Variants in SCAF11 observed in about 807,000 individuals in gnomAD.
The protein encoded by SCAF11 is protein SCAF11.
A neutral mutation model predicts 140.5 loss-of-function variants in SCAF11; 47 were observed. That is an observed-to-expected ratio of 0.33 (90% confidence interval 0.26 to 0.43). The LOEUF is 0.43. Among genes scored for constraint, SCAF11 ranks in the 20% least tolerant of loss-of-function variants. SCAF11 has a pLI of 1.00. For missense variants in SCAF11, 1,645 were observed against 1,705.1 expected (o/e 0.96, Z 0.62); for synonymous variants, 557 against 579.4 (o/e 0.96, Z 0.55).
In SCAF11 at chr12:45,920,076, G is replaced by C. The variant is rs1944671130; in HGVS notation, c.*1972C>G. On this transcript the variant is annotated 3_prime_UTR_variant, in exon 15 of 15. Coordinates refer to ENST00000369367, the MANE Select transcript of SCAF11 (RefSeq NM_004719.3). ...CTTAATACTTTATTAGAAGAAATAT[G>C]CTTGAAATTTCTTTACCATAATCTA... is the stretch of plus-strand genomic sequence containing the variant. The C allele has an allele frequency of 6.6e-6, 1 of 152,096 alleles. No homozygotes were observed. Among genetic ancestry groups the C allele is most frequent in the South Asian group, 2.1e-4 (1 of 4,828 alleles). The allele number at this position is 152,096 out of a possible 1,614,324, so 9.4% of individuals were successfully genotyped here. A position where few individuals can be genotyped will look rare whatever the true frequency, so the allele number is the denominator to read the frequency against.
intron 2 of SCAF11, among the ~76,000 whole-genome samples, chr12:45,962,240 T>C (rs770803743): frequency 1.3e-5 from 2 of 152,198 alleles, no homozygotes; most frequent in African/African-American, 2.4e-5. Context: ...CAAATGCTAA[T>C]ACAAACTCTT....
Position 45,951,697 on chromosome 12 carries a change from G to C in SCAF11, c.250C>G (p.Pro84Ala), listed in dbSNP as rs1179369829. Residue 84 changes from proline (P) to alanine (A), a missense_variant, in exon 4 of 15, where the codon CCT becomes GCT. Around this residue, in one of 2 missense-constraint regions of SCAF11, gnomAD observed 1,582 missense variants for 1,609.2 expected, o/e 0.98. Transcript: ENST00000369367. The part of the protein sequence containing the change: ...TLASCPIDRK[P>A]FQAVFKFSAL... ...CTGAATTTAAACACTGCCTGAAAAG[G>C]TTTACGGTCAATAGGACATGAAGCC... The C allele has an allele frequency of 6.3e-7, 1 of 1,592,028 alleles. No homozygotes were observed. Among genetic ancestry groups the C allele is most frequent in the Non-Finnish European group, 8.6e-7 (1 of 1,166,192 alleles).
Position 45,927,342 on chromosome 12 carries a change from G to A in SCAF11, c.2359C>T (p.Pro787Ser), listed in dbSNP as rs1038614753. The change falls in exon 11 of 15, where the codon CCT becomes TCT. Residue 787 changes from proline to serine, a missense_variant. Pro to Ser is a moderately conservative substitution (Grantham distance 74). Around this residue, in one of 2 missense-constraint regions of SCAF11, gnomAD observed 1,582 missense variants for 1,609.2 expected, o/e 0.98. Transcript: ENST00000369367. The part of the protein sequence containing the change: ...PKDTIDKTKK[P>S]RTRRSRFHSP... ...TGAAATCTAGATCTTCGAGTACGAG[G>A]CTTTTTGGTTTTATCTATGGTATCT... 23 of 1,613,938 alleles carry A rather than the reference G, an allele frequency of 1.4e-5. No individual in the cohort carries two copies. Among genetic ancestry groups the A allele is most frequent in the Non-Finnish European group, 1.9e-5 (23 of 1,180,004 alleles).
intron 1 of SCAF11, among the ~76,000 whole-genome samples, chr12:45,970,601 TAAG>T (rs1946050451): frequency 6.6e-6 from 1 of 152,234 alleles, no homozygotes; most frequent in Admixed American, 6.5e-5. Flanking sequence ...GTTCAGTTTC[TAAG>T]AAGATTATCA....
rs942042797 is a variant in SCAF11 at position 45,945,854 on chromosome 12, C to A, written c.399-541G>T. 2.6e-5 allele frequency among the ~76,000 whole-genome samples: 4 copies of A among 151,720 alleles called. No homozygotes were observed. The South Asian group carries it at 8.3e-4, about 32-fold the overall frequency. On this transcript the variant is annotated intron_variant, in intron 5 of 14. Transcript: ENST00000369367. Reference sequence around the variant, plus strand: ...GGCTAATATATTTTTTATTCTTATTCTTATTATTATTTTTTTTACTAGACA... The same window carrying A: ...GGCTAATATATTTTTTATTCTTATTATTATTATTATTTTTTTTACTAGACA...
chr12:45,963,936 C>T (rs1043661507), intron 2 of SCAF11, among the ~76,000 whole-genome samples, 171 bp downstream of exon 2: 2 of 151,634 alleles, frequency 1.3e-5, no homozygotes, highest in African/African-American at 4.9e-5. Flanking sequence ...CTTGATCAGT[C>T]GAAAATAAGA....
At position 45,927,161 on chromosome 12, in the gene SCAF11, C is replaced by T. The variant is rs28930670; in HGVS notation, c.2540G>A (p.Arg847His). Reference sequence around the variant, plus strand: ...AATATCCTTTTTTGGGGACTGAGAACGGGATTTTTTCCGGCCTCTGGCTGA... The same window carrying T: ...AATATCCTTTTTTGGGGACTGAGAATGGGATTTTTTCCGGCCTCTGGCTGA... ...NESARGRKKSRSQSPKKDIAR... is the reference protein window; with the variant it reads ...NESARGRKKSHSQSPKKDIAR... The change falls in exon 11 of 15, where the codon CGT becomes CAT. Residue 847 changes from arginine (R) to histidine (H), a missense_variant. Transcript: ENST00000369367. 0.031 allele frequency: 50,511 copies of T among 1,613,924 alleles called. 961 individuals are homozygous for T. Among genetic ancestry groups the T allele is most frequent in the Non-Finnish European group, 0.038 (45,192 of 1,179,958 alleles).
chr12:45,922,191 A>C lies in SCAF11; in HGVS notation c.4249T>G (p.Cys1417Gly). Residue 1417 changes from cysteine (C) to glycine (G), a missense_variant, in exon 15 of 15, where the codon TGT becomes GGT. Cys to Gly is a radical substitution (Grantham distance 159, BLOSUM62 -3). This residue lies in a region of SCAF11 where 63 missense variants were observed against 95.9 expected (regional missense o/e 0.66). Transcript: ENST00000369367. ...EIVRKAVDKVCHSKSGEVNST... is the reference protein window; with the variant it reads ...EIVRKAVDKVGHSKSGEVNST... The stretch of plus-strand genomic sequence containing the variant: ...TTTACTTCTCCACTCTTACTATGAC[A>C]AACCTAAGAAAAAAGGGGTGGGGGG... 1 of 1,599,270 alleles carries C rather than the reference A, an allele frequency of 6.3e-7. No individual in the cohort carries two copies. Among genetic ancestry groups the C allele is most frequent in the Non-Finnish European group, 8.5e-7 (1 of 1,176,474 alleles).
At chr12:45,989,375 A>T (rs1366709080) in intron 1 of SCAF11, among the ~76,000 whole-genome samples, 1 of 152,240 alleles carries the variant, frequency 6.6e-6, no homozygotes, top group Non-Finnish European at 1.5e-5. Flanking sequence ...AGTTTTGCTT[A>T]AGTATCTTAG....
At chr12:45,948,587 A>C in intron 4 of SCAF11, 50 bp from the exon 5 acceptor site, 1 of 1,153,126 alleles carries the variant, frequency 8.7e-7, no homozygotes, top group Non-Finnish European at 1.3e-6. Flanking sequence ...CCTTACAAAT[A>C]ACTTTTTAAA....
intron 3 of SCAF11, among the ~76,000 whole-genome samples, chr12:45,959,145 CTCT>C (rs890466972): frequency 1.3e-5 from 2 of 151,980 alleles, no homozygotes; most frequent in African/African-American, 4.8e-5. Context: ...TTGTACTGTT[CTCT>C]TATGCAGATT....
Position 45,926,294 on chromosome 12 carries a change from G to A in SCAF11, c.3407C>T (p.Pro1136Leu). The A allele has an allele frequency of 3.1e-6, 5 of 1,614,086 alleles. No individual in the cohort carries two copies. The highest frequency in any genetic ancestry group is 4.2e-6 in the Non-Finnish European group (5 of 1,180,004). Reference protein sequence around the residue: ...KSEQEFSFDTPADRSGWTSAS... With the variant: ...KSEQEFSFDTLADRSGWTSAS... ...AGATGTCCATCCAGATCTATCTGCTGGTGTATCAAATGAGAACTCCTGTTC... is the reference window on the plus strand; with the variant it reads ...AGATGTCCATCCAGATCTATCTGCTAGTGTATCAAATGAGAACTCCTGTTC... The change falls in exon 11 of 15, where the codon CCA becomes CTA. Residue 1136 changes from proline (P) to leucine (L), a missense_variant. By Grantham distance (98) the Pro-to-Leu change is moderately conservative. Around this residue, in one of 2 missense-constraint regions of SCAF11, gnomAD observed 1,582 missense variants for 1,609.2 expected, o/e 0.98. Coordinates refer to ENST00000369367, the MANE Select transcript of SCAF11 (RefSeq NM_004719.3).
chr12:45,991,370 G>T (rs1311945597), upstream of SCAF11, among the ~76,000 whole-genome samples: 1 of 152,190 alleles, frequency 6.6e-6, no homozygotes, highest in East Asian at 1.9e-4. Flanking sequence ...TTCGAGACCA[G>T]CTTGAGCGAC....
At chr12:45,941,840 A>G (rs1945309381) in intron 6 of SCAF11, among the ~76,000 whole-genome samples, 1 of 152,156 alleles carries the variant, frequency 6.6e-6, no homozygotes, top group Non-Finnish European at 1.5e-5. Context: ...CTGCTTATTC[A>G]TGAATGTTTT....
intron 4 of SCAF11, 111 bp downstream of exon 4, chr12:45,951,539 C>T: frequency 1.6e-6 from 1 of 629,788 alleles, no homozygotes; most frequent in Non-Finnish European, 2.8e-6. Context: ...ATTAAAATAA[C>T]ATATTAAACC....
chr12:45,972,885 T>C (rs11183259), intron 1 of SCAF11, among the ~76,000 whole-genome samples: 2 of 33,492 alleles, frequency 6.0e-5, no homozygotes, highest in Non-Finnish European at 9.4e-5. Flanking sequence ...TATATAGATA[T>C]ATATATAGAT....
At chr12:45,981,713 T>C (rs1187033926) in intron 1 of SCAF11, among the ~76,000 whole-genome samples, 3 of 152,118 alleles carry the variant, frequency 2.0e-5, no homozygotes, top group Non-Finnish European at 4.4e-5. Flanking sequence ...GAGGATTACT[T>C]GAGCCCAGGA....
upstream of SCAF11, among the ~76,000 whole-genome samples, chr12:45,990,920 G>T (rs755702886): frequency 6.6e-6 from 1 of 152,262 alleles, no homozygotes; most frequent in Non-Finnish European, 1.5e-5. Flanking sequence ...CGCATGCGCA[G>T]CGCGTGGACT....
chr12:45,975,525 T>C (rs1946213678), intron 1 of SCAF11: 1 of 187,882 alleles, frequency 5.3e-6, no homozygotes, highest in South Asian at 1.3e-4. Flanking sequence ...GCTTCTTTCC[T>C]TAAACTTCAT....
Sources: gnomAD v4.1 joint callset for allele counts (sites outside exome capture counted in the v4.1 genomes callset) on GRCh38, gnomAD v4.1.1 for gene constraint, gnomAD v4.1.1 regional missense constraint, MANE v1.5 for transcripts, NCBI Gene and HGNC (gene_info 2026-07-23, HGNC 2026-07-21) for gene names.